Variants in AGAP3 observed in about 807,000 individuals in gnomAD.
The protein encoded by AGAP3 is ArfGAP with GTPase domain, ankyrin repeat and PH domain 3.
In AGAP3, 24 loss-of-function variants were observed where a neutral mutation model predicts 96.9. The ratio of observed to expected loss-of-function variants is 0.25; its 90% CI spans 0.18 to 0.35. AGAP3 has a LOEUF of 0.35. Ranked by LOEUF, AGAP3 falls within the 10% of genes least tolerant of loss-of-function variation. The pLI is 1.00. For synonymous variants in AGAP3, 563 were observed against 536.1 expected, an observed-to-expected ratio of 1.05 and a Z score of -0.69; for missense variants, 876 against 1,254.2, an observed-to-expected ratio of 0.70 and a Z score of 4.55.
chr7:151,143,450 G>A lies in AGAP3; in HGVS notation c.2383G>A (p.Glu795Lys). 1 of 1,614,210 alleles carries A rather than the reference G, an allele frequency of 6.2e-7. No homozygotes were observed. The change falls in exon 17 of 18, where the codon GAA (glutamate) becomes AAA (lysine). Residue 795 changes from glutamate (E) to lysine (K), a missense_variant. By Grantham distance (56) the Glu-to-Lys change is moderately conservative (BLOSUM62 1). Transcript: ENST00000397238. The surrounding 1 kb of genome is among the most constrained non-coding windows in gnomAD (Gnocchi z 5.9). ...LGQQLLRAVV[E>K]DDLRLLVMLL... ...GCAGCAGCTGCTCCGGGCCGTGGTG[G>A]AAGATGACCTGCGGCTGTTGGTGAT...
chr7:151,107,964 G>C (rs1050891300), intron 1 of AGAP3, among the ~76,000 whole-genome samples: 1 of 152,230 alleles, frequency 6.6e-6, no homozygotes, highest in Non-Finnish European at 1.5e-5. Context: ...GGGAGGGCTG[G>C]AGATGCTGTG....
intron 1 of AGAP3, among the ~76,000 whole-genome samples, chr7:151,099,679 G>T (rs112887726): frequency 6.6e-6 from 1 of 152,220 alleles, no homozygotes; most frequent in Admixed American, 6.5e-5. Flanking sequence ...CGGGCCGCTG[G>T]CCGCTGTCAG....
intron 1 of AGAP3, among the ~76,000 whole-genome samples, chr7:151,105,584 C>T (rs1400693755): frequency 5.4e-5 from 8 of 148,356 alleles, no homozygotes; most frequent in African/African-American, 2.0e-4. Context: ...AGGGAAACCC[C>T]GTCTCTACAA....
upstream of AGAP3, chr7:151,085,892 G>C (rs150472213): frequency 6.6e-6 from 1 of 152,458 alleles, no homozygotes; most frequent in Non-Finnish European, 1.5e-5. Context: ...TGCTGCAGCC[G>C]GCAGTGGAGA....
intron 1 of AGAP3, chr7:151,115,134 C>T: frequency 6.7e-6 from 7 of 1,040,704 alleles, no homozygotes; most frequent in Non-Finnish European, 8.1e-6. Context: ...GACTCCGCGG[C>T]CCCGGCCGGC....
intron 1 of AGAP3, among the ~76,000 whole-genome samples, chr7:151,104,518 A>T (rs1446259522): frequency 6.6e-6 from 1 of 152,252 alleles, no homozygotes; most frequent in Admixed American, 6.5e-5. Context: ...AAGACAAATG[A>T]AAGAAGAGGA....
chr7:151,106,689 C>G (rs1799069194), intron 1 of AGAP3, among the ~76,000 whole-genome samples: 1 of 152,218 alleles, frequency 6.6e-6, no homozygotes, highest in African/African-American at 2.4e-5. Flanking sequence ...GTTGGCCAGG[C>G]TGATCTCGAA....
intron 1 of AGAP3, among the ~76,000 whole-genome samples, chr7:151,109,284 G>A (rs1799186769): frequency 1.3e-5 from 2 of 152,190 alleles, no homozygotes. Context: ...GATTGCTTGA[G>A]CTTAGGAAGT....
intron 10 of AGAP3, 140 bp downstream of exon 10, chr7:151,128,824 G>A: frequency 1.3e-6 from 1 of 741,758 alleles, no homozygotes; most frequent in East Asian, 2.7e-5. Flanking sequence ...CCTGGAGAAG[G>A]AACCTCACAC....
chr7:151,143,666 C>T lies in AGAP3; in HGVS notation c.2529+70C>T. 1.9e-6 allele frequency: 3 copies of T among 1,607,150 alleles called. No homozygotes were observed. On this transcript the variant is annotated intron_variant, in intron 17 of 17. Coordinates refer to ENST00000397238, the MANE Select transcript of AGAP3 (RefSeq NM_031946.7). This position sits in a 1 kb window ranked among gnomAD's most constrained non-coding sequence, Gnocchi z 5.9. ...CCTTGTTCTTTGAAAGCAACCTCTT[C>T]TTTCCTCCCCTACAACCAATCTCTC...
In AGAP3 at chr7:151,111,416, C is replaced by T. The variant is rs534882729; in HGVS notation, c.332-5377C>T. On this transcript the variant is annotated intron_variant, in intron 1 of 17. Transcript: ENST00000397238. ...AAATCTGCCAACTCCCTGTGGGCCA[C>T]GTGGGCTGCAGCGGGCACAGCCAGG... 4.6e-5 allele frequency among the ~76,000 whole-genome samples: 7 copies of T among 152,308 alleles called. No homozygotes were observed. The South Asian group carries it at 6.2e-4, about 14-fold the overall frequency.
At position 151,114,542 on chromosome 7, in the gene AGAP3, T is replaced by G; in HGVS notation, c.332-2251T>G. On this transcript the variant is annotated intron_variant, in intron 1 of 17. Coordinates refer to ENST00000397238, the MANE Select transcript of AGAP3 (RefSeq NM_031946.7). This position sits in a 1 kb window ranked among gnomAD's most constrained non-coding sequence, Gnocchi z 4.4. Reference sequence around the variant, plus strand: ...CCGGCTCCCCCGCGCCGCGCCGCCGTTCCCGGGCGTTCCAGGCCAGACTTG... The same window carrying G: ...CCGGCTCCCCCGCGCCGCGCCGCCGGTCCCGGGCGTTCCAGGCCAGACTTG... 1 of 230,338 alleles carries G rather than the reference T, an allele frequency of 4.3e-6. No individual in the cohort carries two copies. Among genetic ancestry groups the G allele is most frequent in the Non-Finnish European group, 7.2e-6 (1 of 139,116 alleles). The allele number at this position is 230,338 out of a possible 1,614,324, so 14.3% of individuals were successfully genotyped here.
At chr7:151,123,131 T>C (rs1799992270) in intron 8 of AGAP3, 1 of 1,098,524 alleles carries the variant, frequency 9.1e-7, no homozygotes, top group Non-Finnish European at 1.1e-6. Flanking sequence ...GGCGCTTTCC[T>C]GCCCCTCCCC....
intron 1 of AGAP3, among the ~76,000 whole-genome samples, chr7:151,110,591 TTCTGG>T (rs1799238933): frequency 1.3e-5 from 2 of 151,962 alleles, no homozygotes; most frequent in African/African-American, 2.4e-5. Context: ...GGTGACCAGG[TTCTGG>T]TCTGAAGAGG....
At position 151,102,212 on chromosome 7, in the gene AGAP3, C is replaced by T. The variant is rs76403360; in HGVS notation, c.332-14581C>T. On this transcript the variant is annotated intron_variant, in intron 1 of 17. Coordinates refer to ENST00000397238, the MANE Select transcript of AGAP3 (RefSeq NM_031946.7). The stretch of plus-strand genomic sequence containing the variant: ...TGGCGAGCAGGTTTCTGCGCAGTGG[C>T]CTGGGGCACGAGGACAGCGGCCCAG... Among the ~76,000 whole-genome samples, 741 of 152,334 alleles carry T rather than the reference C, an allele frequency of 4.9e-3. 4 individuals carry two copies. Among genetic ancestry groups the T allele is most frequent in the Non-Finnish European group, 7.0e-3 (475 of 68,024 alleles).
chr7:151,115,642 G>C, intron 1 of AGAP3: 2 of 1,168,102 alleles, frequency 1.7e-6, no homozygotes, highest in South Asian at 8.5e-5. Context: ...GCGCCCAGCG[G>C]TAAGGGGGCG....
At chr7:151,123,415 G>A (rs1429160429) in intron 8 of AGAP3, 6 of 1,086,530 alleles carry the variant, frequency 5.5e-6, no homozygotes, top group African/African-American at 3.3e-5. Context: ...CCATCTGCCC[G>A]CTCACTTGTG....
In AGAP3 at chr7:151,088,996, G is replaced by T. The variant is rs528699857; in HGVS notation, c.331+1924G>T. On this transcript the variant is annotated intron_variant, in intron 1 of 17. Transcript: ENST00000397238. The stretch of plus-strand genomic sequence containing the variant: ...TCACTGTCACCAGACCGACCCAGCC[G>T]CGGCTCACACATCCGTTCTCAGCCC... 3.0e-3 allele frequency among the ~76,000 whole-genome samples: 458 copies of T among 152,106 alleles called. 2 individuals are homozygous for T. The Middle Eastern group carries it at 0.041, about 14-fold the overall frequency.
In AGAP3 at chr7:151,115,900, C is replaced by T. The variant is rs540081582; in HGVS notation, c.332-893C>T. ...AGAGGGCTCTGGGCTAGGCCAGACA[C>T]CTTTCCTAGTTCCCTGTCGGGGCAG... On this transcript the variant is annotated intron_variant, in intron 1 of 17. Coordinates refer to ENST00000397238, the MANE Select transcript of AGAP3 (RefSeq NM_031946.7). Among the ~76,000 whole-genome samples the T allele has an allele frequency of 2.0e-5, 3 of 152,294 alleles. No homozygotes were observed. In the South Asian group the frequency reaches 6.2e-4, roughly 32 times the overall value.
Sources: gnomAD v4.1 joint callset for allele counts (sites outside exome capture counted in the v4.1 genomes callset) on GRCh38, gnomAD v4.1.1 for gene constraint, Gnocchi (gnomAD v3.1) non-coding constraint, MANE v1.5 for transcripts, NCBI Gene and HGNC (gene_info 2026-07-23, HGNC 2026-07-21) for gene names.